The following ASB14 variants were observed in gnomAD, a reference collection of about 807,000 sequenced individuals.
ASB14 encodes ankyrin repeat and SOCS box containing 14, also known as ankyrin repeat and SOCS box protein 14.
A neutral mutation model predicts 55.6 loss-of-function variants in ASB14; 63 were observed. The ratio of observed to expected loss-of-function variants is 1.13; its 90% confidence interval spans 0.92 to 1.40. ASB14 has a LOEUF of 1.40. ASB14 is among the 40% of genes most tolerant of loss of function. The pLI is 0.00. For missense variants in ASB14, 724 were observed against 710.4 expected, an observed-to-expected ratio of 1.02 and a Z score of -0.22; for synonymous variants, 256 against 259.9, an observed-to-expected ratio of 0.98 and a Z score of 0.15.
chr3:57,283,318 G>A lies in ASB14; in HGVS notation c.591C>T (p.Asp197=). 1 of 1,551,814 alleles carries A rather than the reference G, an allele frequency of 6.4e-7. No individual in the cohort carries two copies. Among genetic ancestry groups the A allele is most frequent in the Non-Finnish European group, 8.7e-7 (1 of 1,147,034 alleles). The change falls in exon 6 of 11, where the codon GAC becomes GAT. Residue 197 remains aspartate, a synonymous_variant. Transcript: ENST00000487349. ...LHEAAKLGRE[D]MVKLMLVSGA... ...CAGAAACCAGCATAAGCTTCACCAT[G>A]TCCTCTCTGCCCAGTTTGGCTGCTT...
chr3:57,283,790 A>G (rs987298061), intron 5 of ASB14, among the ~76,000 whole-genome samples: 2 of 152,008 alleles, frequency 1.3e-5, no homozygotes, highest in Non-Finnish European at 2.9e-5. Flanking sequence ...AAAATAAGAA[A>G]AAAAACAAAC....
intron 2 of ASB14, among the ~76,000 whole-genome samples, chr3:57,290,920 T>C (rs944486584): frequency 6.6e-5 from 10 of 152,222 alleles, no homozygotes; most frequent in African/African-American, 1.9e-4. Flanking sequence ...ATAGGAATAG[T>C]GTGTGGCTAA....
At chr3:57,274,573 G>A (rs571090397) in intron 10 of ASB14, among the ~76,000 whole-genome samples, 1 of 152,260 alleles carries the variant, frequency 6.6e-6, no homozygotes, top group Non-Finnish European at 1.5e-5. Context: ...TGTGATTCCA[G>A]CTACTCGGGA....
At chr3:57,282,414 C>T (rs1011464091) in intron 6 of ASB14, among the ~76,000 whole-genome samples, 18 of 152,092 alleles carry the variant, frequency 1.2e-4, no homozygotes, top group African/African-American at 4.1e-4. Context: ...TTGATCCTAC[C>T]TTGCTTCATC....
rs1386489280 is a variant in ASB14, at chr3:57,278,695, TGAAGA to T, written c.1108_1112del (p.Ser371GlnfsTer11). ...CTCCAGCACTCAGAAGCAGCTTGAC[TGAAGA>T]GAGGTCACTGTTTGATACAGCAAAA... is the stretch of plus-strand genomic sequence containing the variant. On this transcript the variant is annotated frameshift_variant, in exon 8 of 11. Transcript: ENST00000487349. LOFTEE classifies it high-confidence loss of function. 6.2e-7 allele frequency: 1 copy of T among 1,614,168 alleles called. No individual in the cohort carries two copies. Among genetic ancestry groups the T allele is most frequent in the Admixed American group, 1.7e-5 (1 of 60,028 alleles).
At chr3:57,290,012 C>T (rs1476667622) in intron 2 of ASB14, among the ~76,000 whole-genome samples, 2 of 152,174 alleles carry the variant, frequency 1.3e-5, no homozygotes, top group Non-Finnish European at 1.5e-5. Context: ...ACACTCTGTC[C>T]TGTTTACAAT....
At position 57,280,429 on chromosome 3, in the gene ASB14, G is replaced by A; in HGVS notation, c.760C>T (p.Leu254Phe). ...GQASDSSSILLEAASGGNPDA... is the reference protein window; with the variant it reads ...GQASDSSSILFEAASGGNPDA... ...GGATTTCCTCCACTTGCGGCTTCAA[G>A]TAAGATGGAAGAAGAATCAGAGGCC... The change falls in exon 7 of 11, where the codon CTT becomes TTT. Residue 254 changes from leucine (L) to phenylalanine (F), a missense_variant. Transcript: ENST00000487349. 1.3e-6 allele frequency: 2 copies of A among 1,551,400 alleles called. No individual in the cohort carries two copies. Among genetic ancestry groups the A allele is most frequent in the Non-Finnish European group, 1.7e-6 (2 of 1,146,734 alleles).
At position 57,277,901 on chromosome 3, in the gene ASB14, A is replaced by C. The variant is rs778511259; in HGVS notation, c.1451T>G (p.Leu484Trp). ...KDTKFCEVITLSWLQHLSGKV... is the reference protein window; with the variant it reads ...KDTKFCEVITWSWLQHLSGKV... ...TCCAGAGAGATGTTGCAGCCATGACAAAGTTATTACTTCACAGAACTGAGG... is the reference window on the plus strand; with the variant it reads ...TCCAGAGAGATGTTGCAGCCATGACCAAGTTATTACTTCACAGAACTGAGG... Residue 484 changes from leucine to tryptophan, a missense_variant, in exon 9 of 11, where the codon TTG (leucine) becomes TGG (tryptophan). Transcript: ENST00000487349. 1 of 1,612,456 alleles carries C rather than the reference A, an allele frequency of 6.2e-7. No homozygotes were observed. Among genetic ancestry groups the C allele is most frequent in the East Asian group, 2.2e-5 (1 of 44,846 alleles).
intron 7 of ASB14, among the ~76,000 whole-genome samples, chr3:57,279,279 T>TC (rs2061017801): frequency 7.0e-6 from 1 of 142,792 alleles, no homozygotes; most frequent in African/African-American, 2.6e-5. Flanking sequence ...TTTTTTTTTT[T>TC]TTTTTTTTTT....
At chr3:57,288,417 A>G in intron 3 of ASB14, 131 bp from the exon 4 acceptor site, 1 of 1,020,370 alleles carries the variant, frequency 9.8e-7, no homozygotes, top group Non-Finnish European at 1.4e-6. Context: ...TTTATGAAAG[A>G]CAAATGGCAT....
intron 3 of ASB14, 39 bp downstream of exon 3, chr3:57,289,029 C>T (rs1204305516): frequency 1.7e-5 from 24 of 1,419,276 alleles, no homozygotes; most frequent in Non-Finnish European, 2.2e-5. Flanking sequence ...ATGTCACCGT[C>T]ACATCTTACC....
chr3:57,276,651 C>T lies in ASB14; in HGVS notation c.1663G>A (p.Val555Ile), dbSNP rs752546733. 1 of 1,613,906 alleles carries T rather than the reference C, an allele frequency of 6.2e-7. No homozygotes were observed. The highest frequency in any genetic ancestry group is 1.7e-5 in the Admixed American group (1 of 60,014). ...CMGRLHLRCPVFMSFLPLPNR... is the reference protein window; with the variant it reads ...CMGRLHLRCPIFMSFLPLPNR... ...GGTAATGGAAGAAATGACATGAAGA[C>T]AGGGCAGCGCAAATGTAACCGTCCC... Residue 555 changes from valine to isoleucine, a missense_variant, in exon 10 of 11, where the codon GTC (valine) becomes ATC (isoleucine). Val to Ile is a conservative substitution (Grantham distance 29, BLOSUM62 3). Coordinates refer to ENST00000487349, the MANE Select transcript of ASB14 (RefSeq NM_001142733.3).
chr3:57,273,180 T>C (rs2060957906), intron 10 of ASB14: 1 of 152,624 alleles, frequency 6.6e-6, no homozygotes, highest in South Asian at 2.1e-4. Flanking sequence ...ATATGCAAAA[T>C]TGCTTTGTAT....
chr3:57,289,115 G>C lies in ASB14; in HGVS notation c.131C>G (p.Ser44Cys). Residue 44 changes from serine (S) to cysteine (C), a missense_variant, in exon 3 of 11, where the codon TCC (serine) becomes TGC (cysteine). Physicochemically the swap from Ser to Cys is moderately radical, Grantham distance 112 (BLOSUM62 -1). Coordinates refer to ENST00000487349, the MANE Select transcript of ASB14 (RefSeq NM_001142733.3). ...QHAPKDESLHSFLSADYKKIV... is the reference protein window; with the variant it reads ...QHAPKDESLHCFLSADYKKIV... ...CTTCTTATAGTCAGCGCTCAAAAAG[G>C]AATGCAAACTGCAAAGAAAAAAATA... 6.5e-7 allele frequency: 1 copy of C among 1,528,532 alleles called. No individual in the cohort carries two copies. Among genetic ancestry groups the C allele is most frequent in the Non-Finnish European group, 8.8e-7 (1 of 1,139,156 alleles). The allele number at this position is 1,528,532 out of a possible 1,614,324, so 94.7% of individuals were successfully genotyped here. A position where few individuals can be genotyped will look rare whatever the true frequency, so the allele number is the denominator to read the frequency against.
At chr3:57,281,344 G>C (rs2061038974) in intron 6 of ASB14, among the ~76,000 whole-genome samples, 1 of 152,016 alleles carries the variant, frequency 6.6e-6, no homozygotes, top group African/African-American at 2.4e-5. Context: ...GGTTGTAAGG[G>C]GGGCTGGGGT....
chr3:57,273,639 A>C (rs1357610471), intron 10 of ASB14, among the ~76,000 whole-genome samples: 1 of 152,138 alleles, frequency 6.6e-6, no homozygotes, highest in East Asian at 1.9e-4. Flanking sequence ...TTTGTTATAG[A>C]AGCAAACTAA....
chr3:57,269,517 T>G lies in ASB14; in HGVS notation c.*124A>C, dbSNP rs1352487456. ...ATTTGACTGCAGACAAGTAACTTAG[T>G]TTCTTTTTTGTCTTTTCCACTAGGA... is the stretch of plus-strand genomic sequence containing the variant. On this transcript the variant is annotated 3_prime_UTR_variant, in exon 11 of 11. Coordinates refer to ENST00000487349, the MANE Select transcript of ASB14 (RefSeq NM_001142733.3). The G allele has an allele frequency of 1.2e-6, 2 of 1,609,688 alleles. No individual in the cohort carries two copies. The highest frequency in any genetic ancestry group is 1.7e-4 in the Middle Eastern group (1 of 6,054).
rs2061055762 is a variant in ASB14, at chr3:57,283,562, CTG to C, written c.470-125_470-124del. On this transcript the variant is annotated intron_variant, in intron 5 of 10. Transcript: ENST00000487349. ...CCACCCACTCCCAGACCCGAACATTCTGTGTTTAGGAAACAGATTGTAAAGTA... is the reference window on the plus strand; with the variant it reads ...CCACCCACTCCCAGACCCGAACATTCTGTTTAGGAAACAGATTGTAAAGTA... 18 of 972,540 alleles carry C rather than the reference CTG, an allele frequency of 1.9e-5. No homozygotes were observed. The South Asian group carries it at 2.8e-4, about 15-fold the overall frequency. The allele number at this position is 972,540 out of a possible 1,614,324, so 60.2% of individuals were successfully genotyped here.
intron 10 of ASB14, chr3:57,270,710 A>G (rs1459838492): frequency 6.6e-6 from 1 of 152,620 alleles, no homozygotes; most frequent in East Asian, 1.9e-4. Flanking sequence ...TTGATAAAGT[A>G]CTGAATCACC....
Sources: gnomAD v4.1 joint callset for allele counts (sites outside exome capture counted in the v4.1 genomes callset) on GRCh38, gnomAD v4.1.1 for gene constraint, MANE v1.5 for transcripts, NCBI Gene and HGNC (gene_info 2026-07-23, HGNC 2026-07-21) for gene names.